Variants in NFS1 observed in about 807,000 individuals in gnomAD.
NFS1 encodes the protein cysteine desulfurase.
Under a neutral mutation model 57.3 loss-of-function variants are expected in NFS1, and 26 were observed. The observed-to-expected ratio is 0.45, with a 90% CI of 0.33 to 0.63. The LOEUF (loss-of-function observed/expected upper bound fraction) is 0.63, where lower values mean the gene tolerates loss of function less well. NFS1 is among the 20% of genes least tolerant of loss of function. The pLI is 0.02. For missense variants in NFS1, 505 were observed against 605.8 expected (o/e 0.83, Z 1.75); for synonymous variants, 209 against 216.3 (o/e 0.97, Z 0.30).
Position 35,674,505 on chromosome 20 carries a change from T to C in NFS1, c.1054+7A>G, listed in dbSNP as rs1284270736. 6.2e-7 allele frequency: 1 copy of C among 1,613,240 alleles called. No individual in the cohort carries two copies. Among genetic ancestry groups the C allele is most frequent in the South Asian group, 1.1e-5 (1 of 91,064 alleles). Reference sequence around the variant, plus strand: ...CCAGAATGAGGATAGAAAGAGCAAGTCCATACCGGGATAATGGTGCTTAGG... The same window carrying C: ...CCAGAATGAGGATAGAAAGAGCAAGCCCATACCGGGATAATGGTGCTTAGG... On this transcript the variant is annotated splice_region_variant and intron_variant, in intron 9 of 12. Transcript: ENST00000374092.
chr20:35,675,565 A>C (rs1463308024), intron 7 of NFS1: 2 of 224,608 alleles, frequency 8.9e-6, no homozygotes, highest in African/African-American at 4.7e-5. Context: ...CCATACAATG[A>C]AATACCAAGC....
chr20:35,692,573 T>G (rs923303852), intron 4 of NFS1, among the ~76,000 whole-genome samples: 1 of 132,452 alleles, frequency 7.5e-6, no homozygotes, highest in Admixed American at 8.2e-5. Flanking sequence ...CCTGGCGTGG[T>G]GGTACACATC....
chr20:35,692,400 A>AC (rs1568965097), intron 4 of NFS1: 6 of 127,184 alleles, frequency 4.7e-5, no homozygotes, highest in African/African-American at 1.3e-4. Context: ...TTAATTAATT[A>AC]AAAAAAAAAA....
intron 4 of NFS1, 140 bp from the exon 5 acceptor site, chr20:35,690,705 T>A: frequency 2.4e-6 from 2 of 828,052 alleles, no homozygotes; most frequent in South Asian, 3.4e-5. Flanking sequence ...TATCCTATAA[T>A]TCAATTCTGA....
At position 35,674,670 on chromosome 20, in the gene NFS1, G is replaced by A; in HGVS notation, c.949-53C>T. Reference sequence around the variant, plus strand: ...CAGTAACCATTAACCAGCTCAGAAAGACAGTTTGAGAAGCCCTTCTCCTAT... The same window carrying A: ...CAGTAACCATTAACCAGCTCAGAAAAACAGTTTGAGAAGCCCTTCTCCTAT... On this transcript the variant is annotated intron_variant, in intron 8 of 12. Transcript: ENST00000374092. 3 of 1,375,280 alleles carry A rather than the reference G, an allele frequency of 2.2e-6. No individual in the cohort carries two copies. The South Asian group carries it at 3.5e-5, about 16-fold the overall frequency. 85.2% of individuals were successfully genotyped at this position (1,375,280 alleles called of 1,614,324 possible).
Position 35,668,161 on chromosome 20 carries a change from T to C in NFS1, c.*1461A>G, listed in dbSNP as rs1024425663. On this transcript the variant is annotated 3_prime_UTR_variant, in exon 13 of 13. Transcript: ENST00000374092. ...AAAATTATTCTAAGTAAAAAAGATA[T>C]TTTTCAACAAGAAAAATTCTATAAT... 8.5e-5 allele frequency: 13 copies of C among 152,202 alleles called. No individual in the cohort carries two copies. The highest frequency in any genetic ancestry group is 3.1e-4 in the African/African-American group (13 of 41,458). 9.4% of individuals were successfully genotyped at this position (152,202 alleles called of 1,614,324 possible). A position where few individuals can be genotyped will look rare whatever the true frequency, so the allele number is the denominator to read the frequency against.
intron 4 of NFS1, chr20:35,694,974 A>G (rs1169655922): frequency 6.6e-6 from 1 of 152,096 alleles, no homozygotes; most frequent in Non-Finnish European, 1.5e-5. Flanking sequence ...TTTAAATGAC[A>G]TTTCACCACC....
At position 35,680,826 on chromosome 20, in the gene NFS1, G is replaced by C; in HGVS notation, c.701C>G (p.Ala234Gly). ...AAGTGGGATTTTTCCAACAGCCTGG[G>C]CTGCATCAGTATGGAAATATACCTT... ...SRKVYFHTDA[A>G]QAVGKIPLDV... Residue 234 changes from alanine (A) to glycine (G), a missense_variant, in exon 7 of 13, where the codon GCC becomes GGC. Coordinates refer to ENST00000374092, the MANE Select transcript of NFS1 (RefSeq NM_021100.5). 4.4e-6 allele frequency: 7 copies of C among 1,581,414 alleles called. No homozygotes were observed. The highest frequency in any genetic ancestry group is 6.0e-6 in the Non-Finnish European group (7 of 1,165,338).
At chr20:35,672,871 C>T (rs1437943735) in intron 11 of NFS1, 27 bp from the exon 12 acceptor site, 8 of 1,404,758 alleles carry the variant, frequency 5.7e-6, no homozygotes, top group African/African-American at 1.4e-5. Context: ...GAGAATGGCT[C>T]CCCATCAGAG....
At chr20:35,669,758 G>A in intron 12 of NFS1, 73 bp from the exon 13 acceptor site, 3 of 1,388,124 alleles carry the variant, frequency 2.2e-6, no homozygotes, top group Non-Finnish European at 3.1e-6. Context: ...CCAAGGCTCT[G>A]AGCAATGGCT....
intron 10 of NFS1, 85 bp from the exon 11 acceptor site, chr20:35,673,769 A>G: frequency 9.6e-7 from 1 of 1,039,994 alleles, no homozygotes; most frequent in South Asian, 1.3e-5. Context: ...CCCATCCCCC[A>G]GGGCCCTGGA....
At chr20:35,678,476 C>T (rs146051737) in intron 7 of NFS1, among the ~76,000 whole-genome samples, 3 of 148,630 alleles carry the variant, frequency 2.0e-5, no homozygotes, top group Non-Finnish European at 3.0e-5. Flanking sequence ...TGCAGTGAGC[C>T]GAGATCTCAC....
intron 7 of NFS1, among the ~76,000 whole-genome samples, chr20:35,676,548 T>A (rs1423332428): frequency 6.6e-5 from 10 of 151,316 alleles, no homozygotes; most frequent in African/African-American, 2.4e-4. Flanking sequence ...ATTGTGCCAC[T>A]GCACTCCAGC....
At position 35,698,461 on chromosome 20, in the gene NFS1, G is replaced by A. The variant is rs1474664703; in HGVS notation, c.207+20C>T. On this transcript the variant is annotated intron_variant, in intron 2 of 12. Coordinates refer to ENST00000374092, the MANE Select transcript of NFS1 (RefSeq NM_021100.5). Reference sequence around the variant, plus strand: ...TCATTTACTTCCTATAAGCAGCCTTGGGAAAAGCTTCATCCTTACCAGAGG... The same window carrying A: ...TCATTTACTTCCTATAAGCAGCCTTAGGAAAAGCTTCATCCTTACCAGAGG... 1.3e-6 allele frequency: 2 copies of A among 1,553,244 alleles called. No individual in the cohort carries two copies. The highest frequency in any genetic ancestry group is 1.8e-6 in the Non-Finnish European group (2 of 1,138,594).
chr20:35,685,581 G>C (rs551075721), intron 5 of NFS1, among the ~76,000 whole-genome samples: 1 of 144,706 alleles, frequency 6.9e-6, no homozygotes, highest in East Asian at 2.0e-4. Context: ...TATAGCAGCC[G>C]GGCGCAGTGG....
At chr20:35,698,375 C>G (rs1054627614) in intron 2 of NFS1, 106 bp downstream of exon 2, 1 of 893,474 alleles carries the variant, frequency 1.1e-6, no homozygotes, top group Non-Finnish European at 1.7e-6. Flanking sequence ...CTTTTTCCAG[C>G]ACACCTTCAC....
In NFS1 at chr20:35,672,821, G is replaced by C; in HGVS notation, c.1244C>G (p.Thr415Arg). 6.2e-7 allele frequency: 1 copy of C among 1,608,324 alleles called. No individual in the cohort carries two copies. The highest frequency in any genetic ancestry group is 8.5e-7 in the Non-Finnish European group (1 of 1,177,556). Residue 415 changes from threonine (T) to arginine (R), a missense_variant, in exon 12 of 13, where the codon ACA (threonine) becomes AGA (arginine). Transcript: ENST00000374092. ...CACTGTGTAGTCCACTTCCTCCTCTGTAGTGAAGCGGCCAATTCCAAACCT... is the reference window on the plus strand; with the variant it reads ...CACTGTGTAGTCCACTTCCTCCTCTCTAGTGAAGCGGCCAATTCCAAACCT... ...SIRFGIGRFT[T>R]EEEVDYTVEK... is the part of the protein sequence containing the mutation.
chr20:35,681,851 T>G (rs774693095), intron 6 of NFS1, 37 bp downstream of exon 6: 2 of 1,194,202 alleles, frequency 1.7e-6, no homozygotes, highest in Non-Finnish European at 1.3e-6. Context: ...CAGAGCCCCA[T>G]GGTGGGCAGG....
At chr20:35,672,704 G>C in intron 12 of NFS1, 51 bp downstream of exon 12, 1 of 1,258,260 alleles carries the variant, frequency 7.9e-7, no homozygotes, top group Non-Finnish European at 1.2e-6. Flanking sequence ...GGACAAGAGG[G>C]GAGACAGTGC....
Sources: allele counts gnomAD v4.1 joint callset (sites outside exome capture counted in the v4.1 genomes callset), GRCh38; gene constraint gnomAD v4.1.1; transcripts MANE v1.5; gene names NCBI Gene and HGNC (gene_info 2026-07-23, HGNC 2026-07-21).